The following NRBF2 variants were observed in gnomAD, a reference collection of about 807,000 sequenced individuals.
NRBF2 encodes nuclear receptor-binding factor 2.
In NRBF2, 12 loss-of-function variants were observed where a neutral mutation model predicts 28.5. That is an observed-to-expected ratio of 0.42 (90% CI 0.27 to 0.68). NRBF2 has a LOEUF of 0.68. Ranked by LOEUF, NRBF2 falls within the 30% of genes least tolerant of loss-of-function variation. The probability of loss-of-function intolerance (pLI) is 0.24; values close to 1 mark genes in which losing one functional copy is unlikely to be tolerated. For synonymous variants in NRBF2, 102 were observed against 116.5 expected, an observed-to-expected ratio of 0.88 and a Z score of 0.80; for missense variants, 274 against 333.5, an observed-to-expected ratio of 0.82 and a Z score of 1.39.
chr10:63,146,814 G>A (rs1399688343), intron 2 of NRBF2, among the ~76,000 whole-genome samples: 1 of 152,026 alleles, frequency 6.6e-6, no homozygotes, highest in Non-Finnish European at 1.5e-5. Flanking sequence ...CATGCCTGTA[G>A]TAACATGCTG....
Position 63,153,650 on chromosome 10 carries a change from A to G in NRBF2, c.296A>G (p.Gln99Arg). Residue 99 changes from glutamine to arginine, a missense_variant, in exon 4 of 4, where the codon CAG (glutamine) becomes CGG (arginine). Coordinates refer to ENST00000277746, the MANE Select transcript of NRBF2 (RefSeq NM_030759.5). ...NTDKDAAAHL[Q>R]TSHKPSAEDA... ...GACAAGGATGCAGCTGCCCATCTTC[A>G]GACATCTCACAAACCCTCTGCAGAG... The G allele has an allele frequency of 3.7e-6, 6 of 1,612,002 alleles. No homozygotes were observed. The highest frequency in any genetic ancestry group is 5.1e-6 in the Non-Finnish European group (6 of 1,179,826).
intron 2 of NRBF2, among the ~76,000 whole-genome samples, chr10:63,148,655 CT>C (rs1008000744): frequency 6.6e-6 from 1 of 152,182 alleles, no homozygotes; most frequent in Non-Finnish European, 1.5e-5. Context: ...TAGCTAAGGA[CT>C]TTATAGCCTC....
rs76305851 is a variant in NRBF2 at position 63,135,305 on chromosome 10, G to C, written c.30+1805G>C. On this transcript the variant is annotated intron_variant, in intron 1 of 3. Transcript: ENST00000277746. ...ACAGGAGTATTACTAGAAATAATCA[G>C]CTGTTTACGAAGTGCTTCAGAGTTC... is the stretch of plus-strand genomic sequence containing the variant. 2.6e-3 allele frequency among the ~76,000 whole-genome samples: 402 copies of C among 152,342 alleles called. 3 individuals carry two copies. Among genetic ancestry groups the C allele is most frequent in the African/African-American group, 9.0e-3 (374 of 41,582 alleles).
intron 3 of NRBF2, among the ~76,000 whole-genome samples, chr10:63,153,089 A>G (rs1841674335): frequency 2.0e-5 from 3 of 152,226 alleles, no homozygotes; most frequent in African/African-American, 4.8e-5. Flanking sequence ...TGGCAGGGAA[A>G]GCCACTAGTT....
intron 1 of NRBF2, among the ~76,000 whole-genome samples, chr10:63,135,939 C>T (rs993365768): frequency 6.6e-6 from 1 of 152,100 alleles, no homozygotes; most frequent in Non-Finnish European, 1.5e-5. Context: ...CCAGCGTGCC[C>T]GGCGGACACC....
chr10:63,154,662 CTG>C lies in NRBF2; in HGVS notation c.*446_*447del, dbSNP rs1196648613. 6.3e-6 allele frequency: 1 copy of C among 158,422 alleles called. No individual in the cohort carries two copies. Among genetic ancestry groups the C allele is most frequent in the Admixed American group, 6.2e-5 (1 of 16,138 alleles). The allele number at this position is 158,422 out of a possible 1,614,324, so 9.8% of individuals were successfully genotyped here. A position where few individuals can be genotyped will look rare whatever the true frequency, so the allele number is the denominator to read the frequency against. On this transcript the variant is annotated 3_prime_UTR_variant, in exon 4 of 4. Coordinates refer to ENST00000277746, the MANE Select transcript of NRBF2 (RefSeq NM_030759.5). Reference sequence around the variant, plus strand: ...AAACATGCTTTCTATCATGCATTGACTGTATGCATTTTGTTAATGCACATTCT... The same window carrying C: ...AAACATGCTTTCTATCATGCATTGACTATGCATTTTGTTAATGCACATTCT...
Position 63,134,206 on chromosome 10 carries a change from T to C in NRBF2, c.30+706T>C, listed in dbSNP as rs556104631. Among the ~76,000 whole-genome samples, 9 of 152,304 alleles carry C rather than the reference T, an allele frequency of 5.9e-5. No homozygotes were observed. The South Asian group carries it at 1.9e-3, about 32-fold the overall frequency. On this transcript the variant is annotated intron_variant, in intron 1 of 3. Transcript: ENST00000277746. ...GGAAAATGGCTGATAGCCTGTTTACTTGTGTTTTAAGGCGTTTCAGGTGTT... is the reference window on the plus strand; with the variant it reads ...GGAAAATGGCTGATAGCCTGTTTACCTGTGTTTTAAGGCGTTTCAGGTGTT...
At chr10:63,151,266 A>G (rs1023411661) in intron 2 of NRBF2, among the ~76,000 whole-genome samples, 1 of 152,270 alleles carries the variant, frequency 6.6e-6, no homozygotes, top group African/African-American at 2.4e-5. Context: ...TGTTTATAAC[A>G]AGCAAGATAA....
intron 1 of NRBF2, among the ~76,000 whole-genome samples, chr10:63,144,606 C>T (rs748809358): frequency 3.3e-5 from 5 of 151,896 alleles, no homozygotes; most frequent in Admixed American, 2.0e-4. Flanking sequence ...TTAGTAGAGA[C>T]GGGGTTTCAC....
At chr10:63,145,709 T>G (rs1435996667) in intron 1 of NRBF2, among the ~76,000 whole-genome samples, 1 of 152,222 alleles carries the variant, frequency 6.6e-6, no homozygotes, top group Non-Finnish European at 1.5e-5. Flanking sequence ...AAATTTTTTA[T>G]TTTAAAAACA....
intron 1 of NRBF2, 51 bp downstream of exon 1, chr10:63,133,551 A>G: frequency 7.1e-7 from 1 of 1,401,822 alleles, no homozygotes; most frequent in Non-Finnish European, 1.0e-6. Flanking sequence ...TTGCCTCAGG[A>G]GCCCGGCCCC....
At chr10:63,134,545 C>G (rs1197376235) in intron 1 of NRBF2, among the ~76,000 whole-genome samples, 1 of 152,152 alleles carries the variant, frequency 6.6e-6, no homozygotes, top group Non-Finnish European at 1.5e-5. Flanking sequence ...GAATTCTAAC[C>G]TCGTCACTTG....
At chr10:63,139,185 T>C (rs1841424201) in intron 1 of NRBF2, among the ~76,000 whole-genome samples, 1 of 152,296 alleles carries the variant, frequency 6.6e-6, no homozygotes, top group East Asian at 1.9e-4. Context: ...AATTTTTGTA[T>C]TTTTAGCGTA....
intron 2 of NRBF2, among the ~76,000 whole-genome samples, chr10:63,150,819 C>A (rs1165349972): frequency 6.6e-6 from 1 of 152,210 alleles, no homozygotes; most frequent in Non-Finnish European, 1.5e-5. Context: ...GAGACAGCGA[C>A]AGATCATCAG....
intron 3 of NRBF2, among the ~76,000 whole-genome samples, chr10:63,152,817 T>G (rs1841669745): frequency 6.6e-6 from 1 of 152,072 alleles, no homozygotes; most frequent in African/African-American, 2.4e-5. Flanking sequence ...GGCAACACAG[T>G]GAGACCCCAT....
chr10:63,152,561 C>T (rs565115303), intron 3 of NRBF2, among the ~76,000 whole-genome samples: 124 of 152,338 alleles, frequency 8.1e-4, no homozygotes, highest in African/African-American at 2.8e-3. Flanking sequence ...CTTTGCTTGT[C>T]AAAGATAATT....
chr10:63,153,965 C>T lies in NRBF2; in HGVS notation c.611C>T (p.Ala204Val). The T allele has an allele frequency of 6.2e-7, 1 of 1,611,838 alleles. No homozygotes were observed. The highest frequency in any genetic ancestry group is 8.5e-7 in the Non-Finnish European group (1 of 1,179,790). The change falls in exon 4 of 4, where the codon GCC (alanine) becomes GTC (valine). Residue 204 changes from alanine to valine, a missense_variant. Coordinates refer to ENST00000277746, the MANE Select transcript of NRBF2 (RefSeq NM_030759.5). ...KENKQLKAEK[A>V]RLLKGPIEKE... ...AATAAACAACTAAAGGCTGAAAAGG[C>T]CAGACTTCTAAAAGGTCCAATAGAA...
chr10:63,152,333 A>G (rs1841663607), intron 3 of NRBF2, 143 bp downstream of exon 3: 2 of 597,574 alleles, frequency 3.3e-6, no homozygotes, highest in Non-Finnish European at 5.9e-6. Flanking sequence ...AGAGCACTTC[A>G]CAACGGAAAT....
intron 1 of NRBF2, among the ~76,000 whole-genome samples, chr10:63,140,770 G>A (rs925692364): frequency 1.6e-4 from 24 of 150,920 alleles, no homozygotes; most frequent in Admixed American, 8.0e-4. Context: ...GCGCAATCTC[G>A]GCTCACCACA....
Sources: allele counts gnomAD v4.1 joint callset (sites outside exome capture counted in the v4.1 genomes callset), GRCh38; gene constraint gnomAD v4.1.1; transcripts MANE v1.5; gene names NCBI Gene and HGNC (gene_info 2026-07-23, HGNC 2026-07-21).